The following TRIQK variants were observed in gnomAD, a reference collection of about 807,000 sequenced individuals.
The protein encoded by TRIQK is triple QxxK/R motif containing.
A neutral mutation model predicts 10.8 loss-of-function variants in TRIQK; 10 were observed. The ratio of observed to expected loss-of-function variants is 0.92; its 90% confidence interval spans 0.57 to 1.57. TRIQK has a LOEUF of 1.57. TRIQK is among the 40% of genes most tolerant of loss of function. The pLI, the probability that TRIQK is intolerant of heterozygous loss-of-function variation, is 0.00. For missense variants in TRIQK, 107 were observed against 97.7 expected, an observed-to-expected ratio of 1.09 and a Z score of -0.40; for synonymous variants, 33 against 33.7, an observed-to-expected ratio of 0.98 and a Z score of 0.07.
chr8:92,959,153 C>T (rs1193696809), intron 1 of TRIQK, among the ~76,000 whole-genome samples: 2 of 151,720 alleles, frequency 1.3e-5, no homozygotes, highest in African/African-American at 4.8e-5. Context: ...TTTTTTTCAA[C>T]CGTTTAAATA....
intron 1 of TRIQK, among the ~76,000 whole-genome samples, chr8:92,985,734 T>G (rs527627696): frequency 2.0e-5 from 3 of 152,302 alleles, no homozygotes; most frequent in Admixed American, 6.5e-5. Flanking sequence ...TTGTTGCCGA[T>G]GTAATTGTTG....
At chr8:92,926,331 T>A (rs1810447135) in intron 2 of TRIQK, 1 of 152,098 alleles carries the variant, frequency 6.6e-6, no homozygotes, top group South Asian at 2.1e-4. Flanking sequence ...TGAAAATACT[T>A]GAAAAAAATA....
At chr8:92,922,610 A>G (rs1810244955) in intron 2 of TRIQK, 1 of 151,824 alleles carries the variant, frequency 6.6e-6, no homozygotes, top group African/African-American at 2.4e-5. Flanking sequence ...TACCTACAGA[A>G]AATAAAAAAG....
chr8:92,937,590 T>C (rs1811058013), intron 2 of TRIQK, among the ~76,000 whole-genome samples: 1 of 151,816 alleles, frequency 6.6e-6, no homozygotes, highest in Admixed American at 6.6e-5. Flanking sequence ...TTTGTTTTTT[T>C]TTTTTACTTG....
intron 1 of TRIQK, among the ~76,000 whole-genome samples, chr8:93,001,413 C>G (rs1371793413): frequency 6.8e-6 from 1 of 147,958 alleles, no homozygotes; most frequent in East Asian, 1.9e-4. Context: ...TAAGGACACA[C>G]ATAGACTGAA....
Position 92,892,031 on chromosome 8 carries a change from G to C in TRIQK, c.105C>G (p.Thr35=). The C allele has an allele frequency of 6.5e-7, 1 of 1,533,206 alleles. No homozygotes were observed. The highest frequency in any genetic ancestry group is 8.7e-7 in the Non-Finnish European group (1 of 1,144,312). The allele number at this position is 1,533,206 out of a possible 1,614,324, so 95.0% of individuals were successfully genotyped here. ...TTTTCTTTGCTTCTGCTTTTAATTT[G>C]GTTGCTCGTAAAATAGGTTTAGTTT... The part of the protein sequence containing the change: ...YKKTKPILRA[T]KLKAEAKKTA... Residue 35 remains threonine (T), a synonymous_variant, in exon 4 of 5, where the codon ACC becomes ACG. Coordinates refer to ENST00000521988, the MANE Select transcript of TRIQK (RefSeq NM_001171797.2).
chr8:92,911,642 TA>T (rs1363756003), intron 3 of TRIQK, among the ~76,000 whole-genome samples: 1 of 151,348 alleles, frequency 6.6e-6, no homozygotes, highest in Non-Finnish European at 1.5e-5. Flanking sequence ...TATATCTGAC[TA>T]AGTAGAATTT....
intron 1 of TRIQK, among the ~76,000 whole-genome samples, chr8:93,002,044 T>TC (rs1250618978): frequency 2.0e-5 from 3 of 151,630 alleles, no homozygotes; most frequent in Non-Finnish European, 2.9e-5. Context: ...ATGAAGAAAT[T>TC]CTAAAAAAAA....
chr8:92,975,860 A>T (rs898691371), intron 1 of TRIQK, among the ~76,000 whole-genome samples: 54 of 151,906 alleles, frequency 3.6e-4, no homozygotes, highest in African/African-American at 1.3e-3. Context: ...GAATTTGAAC[A>T]TTTTTAAATT....
chr8:92,974,302 A>G (rs1563670835), intron 1 of TRIQK: 1 of 152,224 alleles, frequency 6.6e-6, no homozygotes, highest in South Asian at 2.1e-4. Context: ...GACAGCACAA[A>G]GTCTTCCGGA....
chr8:92,965,046 G>A (rs1812664872), intron 1 of TRIQK: 1 of 152,126 alleles, frequency 6.6e-6, no homozygotes, highest in Non-Finnish European at 1.5e-5. Context: ...CAGAGTATAT[G>A]AGCAAACAAA....
At chr8:92,963,280 T>C (rs1236983783) in intron 1 of TRIQK, among the ~76,000 whole-genome samples, 3 of 152,186 alleles carry the variant, frequency 2.0e-5, no homozygotes, top group African/African-American at 7.2e-5. Context: ...ATAACAACTT[T>C]TTATATCTAC....
intron 2 of TRIQK, among the ~76,000 whole-genome samples, chr8:92,937,965 C>G (rs1361655458): frequency 6.6e-6 from 1 of 151,850 alleles, no homozygotes; most frequent in Non-Finnish European, 1.5e-5. Context: ...ATTTCCAATA[C>G]TCTTTGTTCC....
intron 1 of TRIQK, chr8:92,973,115 ATTTGT>A (rs577088466): frequency 7.9e-4 from 121 of 152,254 alleles, no homozygotes; most frequent in Middle Eastern, 3.4e-3. Context: ...TATCAAAGTC[ATTTGT>A]TTTGTTTCCA....
intron 1 of TRIQK, among the ~76,000 whole-genome samples, chr8:92,981,692 T>C (rs929899191): frequency 6.6e-6 from 1 of 151,886 alleles, no homozygotes; most frequent in Non-Finnish European, 1.5e-5. Flanking sequence ...CTATACTTTT[T>C]AACAATTTAC....
At chr8:92,910,053 T>A (rs930007839) in intron 3 of TRIQK, among the ~76,000 whole-genome samples, 54 of 151,578 alleles carry the variant, frequency 3.6e-4, no homozygotes, top group African/African-American at 1.2e-3. Flanking sequence ...ACAAAGGGTA[T>A]ATAAAATTGT....
Position 92,944,411 on chromosome 8 carries a change from A to G in TRIQK, c.-22+9995T>C, listed in dbSNP as rs990870644. Reference sequence around the variant, plus strand: ...TTGTCAAAGAGGTATCAGCACTTCAATGTTTATAACAGTACTATTCACAAT... The same window carrying G: ...TTGTCAAAGAGGTATCAGCACTTCAGTGTTTATAACAGTACTATTCACAAT... On this transcript the variant is annotated intron_variant, in intron 2 of 4. Transcript: ENST00000521988. 3.9e-5 allele frequency among the ~76,000 whole-genome samples: 6 copies of G among 152,192 alleles called. No individual in the cohort carries two copies. The East Asian group carries it at 5.8e-4, about 15-fold the overall frequency.
At chr8:92,902,504 T>C (rs1315194855) in intron 3 of TRIQK, among the ~76,000 whole-genome samples, 1 of 152,154 alleles carries the variant, frequency 6.6e-6, no homozygotes, top group Non-Finnish European at 1.5e-5. Context: ...TCAAATCCTC[T>C]TCAGTGCCTC....
chr8:93,016,546 T>C (rs1009264214), intron 1 of TRIQK, among the ~76,000 whole-genome samples: 22 of 152,262 alleles, frequency 1.4e-4, no homozygotes, highest in African/African-American at 5.1e-4. Context: ...GTTCCACAAA[T>C]ATTTCACTTT....
Sources: allele counts gnomAD v4.1 joint callset (sites outside exome capture counted in the v4.1 genomes callset), GRCh38; gene constraint gnomAD v4.1.1; transcripts MANE v1.5; gene names NCBI Gene and HGNC (gene_info 2026-07-23, HGNC 2026-07-21).